The following LIMCH1 variants were observed in gnomAD, a reference collection of about 807,000 sequenced individuals.
LIMCH1 encodes the protein LIM and calponin homology domains-containing protein 1.
In LIMCH1, 113 loss-of-function variants were observed where a neutral mutation model predicts 176.5. The ratio of observed to expected loss-of-function variants is 0.64; its 90% CI spans 0.55 to 0.75. The LOEUF (loss-of-function observed/expected upper bound fraction) is 0.75, where lower values mean the gene tolerates loss of function less well. Ranked by LOEUF, LIMCH1 falls within the 30% of genes least tolerant of loss-of-function variation. The pLI, the probability that LIMCH1 is intolerant of heterozygous loss-of-function variation, is 0.00. For synonymous variants in LIMCH1, 619 were observed against 645.9 expected (o/e 0.96, Z 0.63); for missense variants, 1,674 against 1,814.9 (o/e 0.92, Z 1.41).
At chr4:41,673,956 G>A (rs550846952) in intron 22 of LIMCH1, among the ~76,000 whole-genome samples, 1 of 152,108 alleles carries the variant, frequency 6.6e-6, no homozygotes, top group Non-Finnish European at 1.5e-5. Flanking sequence ...ACACACTCAG[G>A]TGTAAGCTCC....
intron 10 of LIMCH1, 85 bp downstream of exon 10, chr4:41,631,562 C>A: frequency 8.9e-7 from 1 of 1,119,422 alleles, no homozygotes; most frequent in Non-Finnish European, 1.2e-6. Context: ...ATTATACAAG[C>A]CCCTAGAGAT....
chr4:41,557,788 G>A (rs1016703149), intron 1 of LIMCH1, among the ~76,000 whole-genome samples: 8 of 152,110 alleles, frequency 5.3e-5, no homozygotes, highest in East Asian at 1.9e-4. Context: ...TGCCAAGGGC[G>A]GTTCTAAACT....
At chr4:41,385,449 T>C (rs2056360439) in intron 1 of LIMCH1, among the ~76,000 whole-genome samples, 1 of 152,210 alleles carries the variant, frequency 6.6e-6, no homozygotes, top group Non-Finnish European at 1.5e-5. Flanking sequence ...CTTAAATTTC[T>C]GTGGCAATGG....
intron 1 of LIMCH1, among the ~76,000 whole-genome samples, chr4:41,380,497 GC>G (rs1174986009): frequency 1.3e-5 from 2 of 150,590 alleles, no homozygotes; most frequent in Non-Finnish European, 3.0e-5. Context: ...TTTTAGATAA[GC>G]ATGTAATAAT....
intron 7 of LIMCH1, among the ~76,000 whole-genome samples, chr4:41,624,233 T>C (rs912870269): frequency 6.6e-6 from 1 of 152,186 alleles, no homozygotes; most frequent in African/African-American, 2.4e-5. Flanking sequence ...CACTCAGTGC[T>C]TGCTTTCTGC....
At chr4:41,630,806 C>T (rs1458629636) in intron 9 of LIMCH1, among the ~76,000 whole-genome samples, 1 of 152,138 alleles carries the variant, frequency 6.6e-6, no homozygotes, top group East Asian at 1.9e-4. Flanking sequence ...GCACATCCTC[C>T]CATATACTTT....
chr4:41,655,591 C>T (rs2152959545), intron 18 of LIMCH1, among the ~76,000 whole-genome samples: 1 of 152,254 alleles, frequency 6.6e-6, no homozygotes, highest in Admixed American at 6.5e-5. Flanking sequence ...AATTGTAATT[C>T]TCTAAAAAAC....
At position 41,538,268 on chromosome 4, in the gene LIMCH1, G is replaced by A. The variant is rs1413506117; in HGVS notation, c.-323G>A. The A allele has an allele frequency of 9.1e-6, 9 of 985,540 alleles. No homozygotes were observed. The highest frequency in any genetic ancestry group is 1.2e-4 in the Admixed American group (2 of 16,276). The allele number at this position is 985,540 out of a possible 1,614,324, so 61.0% of individuals were successfully genotyped here. A position where few individuals can be genotyped will look rare whatever the true frequency, so the allele number is the denominator to read the frequency against. On this transcript the variant is annotated 5_prime_UTR_variant, in exon 1 of 32. Transcript: ENST00000503057. ...TTTCGGCTGCTGTGCTGGGGCTGAC[G>A]AGGAGCACACAGGAGAGATGCCCCT...
intron 30 of LIMCH1, 31 bp downstream of exon 30, chr4:41,689,666 C>T: frequency 3.1e-6 from 4 of 1,301,106 alleles, no homozygotes; most frequent in Non-Finnish European, 4.5e-6. Flanking sequence ...TCTCCAGACA[C>T]AACTTCATGA....
At position 41,662,804 on chromosome 4, in the gene LIMCH1, A is replaced by G; in HGVS notation, c.3128-17A>G. ...TTCTTTTCCTTCTGTACGTTTCTGG[A>G]TGTAACTCCATTGCAGAACCACAGC... On this transcript the variant is annotated splice_polypyrimidine_tract_variant and intron_variant, in intron 19 of 31. Coordinates refer to ENST00000503057, the MANE Select transcript of LIMCH1 (RefSeq NM_001330672.2). 6.2e-7 allele frequency: 1 copy of G among 1,613,698 alleles called. No homozygotes were observed. Among genetic ancestry groups the G allele is most frequent in the South Asian group, 1.1e-5 (1 of 91,054 alleles).
At chr4:41,449,649 A>G (rs1480548382) in intron 1 of LIMCH1, among the ~76,000 whole-genome samples, 1 of 152,168 alleles carries the variant, frequency 6.6e-6, no homozygotes, top group Non-Finnish European at 1.5e-5. Context: ...TTTTGGTCAT[A>G]GTTAAAAAAA....
At chr4:41,530,374 T>G (rs1010292789) in intron 3 of LIMCH1, among the ~76,000 whole-genome samples, 3 of 152,190 alleles carry the variant, frequency 2.0e-5, no homozygotes, top group Admixed American at 6.5e-5. Context: ...GAATTAGCTC[T>G]GGTGTGCCTC....
In LIMCH1 at chr4:41,661,520, A is replaced by G. The variant is rs762464744; in HGVS notation, c.3127+10A>G. The stretch of plus-strand genomic sequence containing the variant: ...GAACTTGCCTCATCAGGTTTGTTTC[A>G]TAAGAGACTAGTTTTAAGGCAAATC... On this transcript the variant is annotated intron_variant, in intron 19 of 31. Transcript: ENST00000503057. The G allele has an allele frequency of 5.1e-6, 8 of 1,556,856 alleles. No homozygotes were observed. In the South Asian group the frequency reaches 9.0e-5, roughly 17 times the overall value.
intron 1 of LIMCH1, among the ~76,000 whole-genome samples, chr4:41,486,002 A>T (rs1306454206): frequency 2.6e-5 from 4 of 152,186 alleles, no homozygotes; most frequent in Non-Finnish European, 5.9e-5. Flanking sequence ...GTGTGGAAAG[A>T]TAGAGGTCAA....
intron 19 of LIMCH1, among the ~76,000 whole-genome samples, chr4:41,662,272 T>C (rs1018559295): frequency 6.6e-6 from 1 of 152,204 alleles, no homozygotes; most frequent in African/African-American, 2.4e-5. Flanking sequence ...CCTTAGGTAG[T>C]GACTTTTCCA....
At chr4:41,640,398 G>A (rs1187055773) in intron 14 of LIMCH1, among the ~76,000 whole-genome samples, 3 of 152,152 alleles carry the variant, frequency 2.0e-5, no homozygotes, top group Non-Finnish European at 1.5e-5. Flanking sequence ...AAGAAAGGAA[G>A]GGAAATTAAA....
intron 1 of LIMCH1, among the ~76,000 whole-genome samples, chr4:41,456,313 T>C (rs1266433406): frequency 6.6e-6 from 1 of 152,212 alleles, no homozygotes; most frequent in Non-Finnish European, 1.5e-5. Context: ...GATGCAAATT[T>C]TCTCATTTTT....
intron 22 of LIMCH1, 104 bp downstream of exon 22, chr4:41,671,698 C>T (rs1585681834): frequency 2.3e-6 from 2 of 863,704 alleles, no homozygotes; most frequent in East Asian, 2.5e-5. Flanking sequence ...GGCGGTGGCT[C>T]ACGCCTGTAA....
At chr4:41,545,583 T>TC (rs1274283567) in intron 1 of LIMCH1, among the ~76,000 whole-genome samples, 3 of 152,004 alleles carry the variant, frequency 2.0e-5, no homozygotes, top group South Asian at 2.1e-4. Context: ...TTTTACATCC[T>TC]CCCCCCAAAC....
Sources: gnomAD v4.1 joint callset for allele counts (sites outside exome capture counted in the v4.1 genomes callset) on GRCh38, gnomAD v4.1.1 for gene constraint, MANE v1.5 for transcripts, NCBI Gene and HGNC (gene_info 2026-07-23, HGNC 2026-07-21) for gene names.